The following SLC7A9 variants were observed in gnomAD, a reference collection of about 807,000 sequenced individuals.
SLC7A9 encodes the protein solute carrier family 7 member 9.
Under a neutral mutation model 54.1 loss-of-function variants are expected in SLC7A9, and 38 were observed. The observed-to-expected ratio is 0.70, with a 90% confidence interval of 0.54 to 0.92. The LOEUF (loss-of-function observed/expected upper bound fraction) is 0.92. SLC7A9 is among the 40% of genes least tolerant of loss of function. The pLI, the probability that SLC7A9 is intolerant of heterozygous loss-of-function variation, is 0.00. For missense variants in SLC7A9, 537 were observed against 636.1 expected, an observed-to-expected ratio of 0.84 and a Z score of 1.68; for synonymous variants, 264 against 258.9, an observed-to-expected ratio of 1.02 and a Z score of -0.19.
chr19:32,833,029 C>T (rs1351481673), intron 12 of SLC7A9, 120 bp downstream of exon 12: 20 of 995,210 alleles, frequency 2.0e-5, no homozygotes, highest in African/African-American at 4.8e-5. Flanking sequence ...CCTCCTGGGA[C>T]GAGGGAGATC....
At chr19:32,865,634 G>C (rs1968944702) in intron 2 of SLC7A9, among the ~76,000 whole-genome samples, 1 of 152,180 alleles carries the variant, frequency 6.6e-6, no homozygotes, top group African/African-American at 2.4e-5. Flanking sequence ...GAGCTTTCTG[G>C]GGTGGTACAT....
rs766490408 is a variant in SLC7A9 at position 32,864,217 on chromosome 19, G to A, written c.357C>T (p.Val119=). 3 of 1,614,232 alleles carry A rather than the reference G, an allele frequency of 1.9e-6. No homozygotes were observed. Among genetic ancestry groups the A allele is most frequent in the Non-Finnish European group, 2.5e-6 (3 of 1,180,028 alleles). ...AYLFSWASLI[V]IKPTSFAIIC... ...TGATGGCGAAGGACGTGGGCTTAAT[G>A]ACGATCAGGCTGGCCCAGGAGAAGA... Residue 119 remains valine (V), a synonymous_variant, in exon 4 of 13, where the codon GTC becomes GTT. Coordinates refer to ENST00000023064, the MANE Select transcript of SLC7A9 (RefSeq NM_014270.5).
chr19:32,855,476 G>T (rs1464005760), intron 9 of SLC7A9, among the ~76,000 whole-genome samples: 1 of 152,164 alleles, frequency 6.6e-6, no homozygotes, highest in Non-Finnish European at 1.5e-5. Context: ...AAGGCGGGCG[G>T]ATCACGAGGT....
chr19:32,833,374 C>G lies in SLC7A9; in HGVS notation c.1225-51G>C, dbSNP rs781631599. 35 of 1,595,826 alleles carry G rather than the reference C, an allele frequency of 2.2e-5. No individual in the cohort carries two copies. In the South Asian group the frequency reaches 3.7e-4, roughly 17 times the overall value. On this transcript the variant is annotated intron_variant, in intron 11 of 12. Transcript: ENST00000023064. ...TACCCATTTTCTTTTTGAAATTTTT[C>G]ATGATAAAAAACCGATTTTTATAAA...
At chr19:32,862,820 C>T (rs910859057) in intron 4 of SLC7A9, 13 of 296,756 alleles carry the variant, frequency 4.4e-5, no homozygotes, top group African/African-American at 1.3e-4. Flanking sequence ...GACAGGTGCA[C>T]GCCACTATGC....
chr19:32,835,930 TG>T (rs2145798465), intron 11 of SLC7A9, among the ~76,000 whole-genome samples: 1 of 151,306 alleles, frequency 6.6e-6, no homozygotes, highest in Admixed American at 6.6e-5. Context: ...TGTGTGTGTG[TG>T]TGTGTCCGAG....
Position 32,860,181 on chromosome 19 carries a change from G to A in SLC7A9, c.750-217C>T, listed in dbSNP as rs1246312717. 1.3e-5 allele frequency: 19 copies of A among 1,494,510 alleles called. 1 individual carries two copies. Among genetic ancestry groups the A allele is most frequent in the Admixed American group, 2.1e-5 (1 of 48,250 alleles). 92.6% of individuals were successfully genotyped at this position (1,494,510 alleles called of 1,614,324 possible). A position where few individuals can be genotyped will look rare whatever the true frequency, so the allele number is the denominator to read the frequency against. On this transcript the variant is annotated intron_variant, in intron 7 of 12. Coordinates refer to ENST00000023064, the MANE Select transcript of SLC7A9 (RefSeq NM_014270.5). ...GCAAAATAAGCCAGAGATAAAGGAA[G>A]ACCAAGCTCTTCCCTCCCTTAGGAG...
At chr19:32,863,578 C>T (rs1486709379) in intron 4 of SLC7A9, among the ~76,000 whole-genome samples, 2 of 152,086 alleles carry the variant, frequency 1.3e-5, no homozygotes, top group African/African-American at 4.8e-5. Context: ...CCAGGCTGAT[C>T]TCAAACTCTT....
In SLC7A9 at chr19:32,858,560, G is replaced by A. The variant is rs1235045870; in HGVS notation, c.874-17C>T. 1 of 1,589,220 alleles carries A rather than the reference G, an allele frequency of 6.3e-7. No individual in the cohort carries two copies. The highest frequency in any genetic ancestry group is 1.3e-5 in the African/African-American group (1 of 74,412). ...ACCAAATGTCTGGTGAGAGAAGCGAGATGAGTCCTGAGGGTCTTTCTTGGC... is the reference window on the plus strand; with the variant it reads ...ACCAAATGTCTGGTGAGAGAAGCGAAATGAGTCCTGAGGGTCTTTCTTGGC... On this transcript the variant is annotated splice_polypyrimidine_tract_variant and intron_variant, in intron 8 of 12. Transcript: ENST00000023064.
intron 2 of SLC7A9, 79 bp downstream of exon 2, chr19:32,868,369 G>A (rs577062483): frequency 4.6e-5 from 48 of 1,039,286 alleles, no homozygotes; most frequent in South Asian, 4.3e-4. Flanking sequence ...GGATCGGCCC[G>A]GATTTCACTG....
At chr19:32,855,482 G>A (rs917760273) in intron 9 of SLC7A9, among the ~76,000 whole-genome samples, 2 of 152,108 alleles carry the variant, frequency 1.3e-5, no homozygotes, top group Non-Finnish European at 2.9e-5. Context: ...GGCGGATCAC[G>A]AGGTCAGGAG....
intron 11 of SLC7A9, among the ~76,000 whole-genome samples, chr19:32,840,871 A>G (rs1256035861): frequency 6.6e-6 from 1 of 152,152 alleles, no homozygotes; most frequent in East Asian, 1.9e-4. Flanking sequence ...GCATCCACTT[A>G]GAGTCTGGAG....
chr19:32,852,479 G>A (rs886065810), intron 9 of SLC7A9, among the ~76,000 whole-genome samples: 1 of 152,074 alleles, frequency 6.6e-6, no homozygotes, highest in South Asian at 2.1e-4. Flanking sequence ...GGGCGACAGC[G>A]AGACCCTGTC....
intron 9 of SLC7A9, among the ~76,000 whole-genome samples, chr19:32,854,609 C>T (rs542286180): frequency 7.9e-5 from 12 of 152,110 alleles, no homozygotes; most frequent in Admixed American, 4.6e-4. Context: ...GTTTTTGAGA[C>T]GGAGTATCTC....
At chr19:32,838,642 A>C (rs1968035186) in intron 11 of SLC7A9, among the ~76,000 whole-genome samples, 1 of 148,354 alleles carries the variant, frequency 6.7e-6, no homozygotes, top group African/African-American at 2.4e-5. Flanking sequence ...ACATATTTAT[A>C]TCTTATATCC....
chr19:32,868,684 G>C (rs1230702358), intron 1 of SLC7A9, 39 bp from the exon 2 acceptor site: 5 of 708,392 alleles, frequency 7.1e-6, no homozygotes, highest in Non-Finnish European at 1.3e-5. Flanking sequence ...GCAGGTGGGG[G>C]CCGCTGCCAG....
chr19:32,853,916 C>CAAA (rs139253538), intron 9 of SLC7A9, among the ~76,000 whole-genome samples: 3 of 119,852 alleles, frequency 2.5e-5, no homozygotes, highest in Non-Finnish European at 5.3e-5. Flanking sequence ...GATCCTGTCT[C>CAAA]AAAAAAAAAA....
intron 9 of SLC7A9, among the ~76,000 whole-genome samples, chr19:32,852,853 T>G (rs1968508221): frequency 6.6e-6 from 1 of 151,554 alleles, no homozygotes; most frequent in Non-Finnish European, 1.5e-5. Context: ...CAAGGAGAAG[T>G]CTGACGTGGG....
intron 9 of SLC7A9, among the ~76,000 whole-genome samples, chr19:32,847,728 T>A (rs1220277048): frequency 1.3e-5 from 2 of 151,952 alleles, no homozygotes; most frequent in African/African-American, 4.8e-5. Context: ...CCAAGACACA[T>A]AATTGTCAGA....
Sources: gnomAD v4.1 joint callset for allele counts (sites outside exome capture counted in the v4.1 genomes callset) on GRCh38, gnomAD v4.1.1 for gene constraint, MANE v1.5 for transcripts, NCBI Gene and HGNC (gene_info 2026-07-23, HGNC 2026-07-21) for gene names.